HS6ST3: variants seen among roughly 807,000 people sequenced by gnomAD.
The protein encoded by HS6ST3 is heparan sulfate 6-O-sulfotransferase 3.
HS6ST3 carries 12 observed loss-of-function variants against 36.7 expected under a neutral mutation model. The observed-to-expected ratio is 0.33, with a 90% confidence interval of 0.21 to 0.53. HS6ST3 has a LOEUF of 0.53. HS6ST3 is among the 20% of genes least tolerant of loss of function. The probability of loss-of-function intolerance (pLI) is 0.95; values close to 1 mark genes in which losing one functional copy is unlikely to be tolerated. For missense variants in HS6ST3, 584 were observed against 640.9 expected, an observed-to-expected ratio of 0.91 and a Z score of 0.96; for synonymous variants, 240 against 257.5, an observed-to-expected ratio of 0.93 and a Z score of 0.65.
At chr13:96,584,923 A>G (rs2056355150) in intron 1 of HS6ST3, among the ~76,000 whole-genome samples, 1 of 152,140 alleles carries the variant, frequency 6.6e-6, no homozygotes, top group Admixed American at 6.5e-5. Context: ...CTGGGCACAG[A>G]CCATATGGAG....
intron 1 of HS6ST3, among the ~76,000 whole-genome samples, chr13:96,254,385 G>A (rs572607645): frequency 2.4e-5 from 3 of 122,716 alleles, no homozygotes; most frequent in Non-Finnish European, 4.8e-5. Flanking sequence ...CTGCACTCCA[G>A]CCTGGGCGAT....
chr13:96,279,737 T>C (rs1280720195), intron 1 of HS6ST3, among the ~76,000 whole-genome samples: 1 of 152,188 alleles, frequency 6.6e-6, no homozygotes, highest in Non-Finnish European at 1.5e-5. Flanking sequence ...CTTTTGCACA[T>C]CACATAAAAG....
At chr13:96,262,836 T>C (rs904252557) in intron 1 of HS6ST3, among the ~76,000 whole-genome samples, 1 of 152,140 alleles carries the variant, frequency 6.6e-6, no homozygotes, top group African/African-American at 2.4e-5. Context: ...GTTTTTTTTA[T>C]TTTGTGTGAC....
At chr13:96,504,231 A>G (rs2056016979) in intron 1 of HS6ST3, among the ~76,000 whole-genome samples, 2 of 152,166 alleles carry the variant, frequency 1.3e-5, no homozygotes, top group African/African-American at 4.8e-5. Flanking sequence ...AGCTTGCCCA[A>G]AGGTCACATA....
At chr13:96,825,633 A>G (rs752183000) in intron 1 of HS6ST3, among the ~76,000 whole-genome samples, 4 of 152,162 alleles carry the variant, frequency 2.6e-5, no homozygotes, top group East Asian at 3.9e-4. Flanking sequence ...ATACTTTAAT[A>G]CTGTTGCTGA....
intron 1 of HS6ST3, among the ~76,000 whole-genome samples, chr13:96,184,685 T>C (rs2054257352): frequency 6.6e-6 from 1 of 152,160 alleles, no homozygotes; most frequent in Non-Finnish European, 1.5e-5. Context: ...GTAAAAGTCC[T>C]GTCTCAAATA....
chr13:96,556,682 T>C (rs2056242178), intron 1 of HS6ST3, among the ~76,000 whole-genome samples: 1 of 152,160 alleles, frequency 6.6e-6, no homozygotes, highest in Non-Finnish European at 1.5e-5. Context: ...TTAATACTGG[T>C]TGATGAGGCT....
chr13:96,655,675 G>A (rs1015115740), intron 1 of HS6ST3, among the ~76,000 whole-genome samples: 2 of 151,950 alleles, frequency 1.3e-5, no homozygotes, highest in African/African-American at 2.4e-5. Context: ...GAGGAAAAAC[G>A]TACTGTGGAT....
At chr13:96,540,933 G>A (rs369395630) in intron 1 of HS6ST3, among the ~76,000 whole-genome samples, 7 of 152,232 alleles carry the variant, frequency 4.6e-5, no homozygotes, top group Admixed American at 2.6e-4. Flanking sequence ...CCATCTATGC[G>A]CAGATATATG....
At chr13:96,707,961 TAGTG>T (rs2138458398) in intron 1 of HS6ST3, among the ~76,000 whole-genome samples, 1 of 152,286 alleles carries the variant, frequency 6.6e-6, no homozygotes, top group African/African-American at 2.4e-5. Context: ...GAACTGGAGT[TAGTG>T]AGGTTTGCTG....
intron 1 of HS6ST3, among the ~76,000 whole-genome samples, chr13:96,121,844 C>G (rs1413751467): frequency 6.6e-6 from 1 of 152,084 alleles, no homozygotes; most frequent in African/African-American, 2.4e-5. Context: ...ACATGTTACT[C>G]CATGTTGGTT....
chr13:96,821,039 A>T (rs893911358), intron 1 of HS6ST3, among the ~76,000 whole-genome samples: 6 of 152,260 alleles, frequency 3.9e-5, no homozygotes, highest in Admixed American at 2.6e-4. Flanking sequence ...AGGTGTGTTA[A>T]AAATGAATGC....
intron 1 of HS6ST3, among the ~76,000 whole-genome samples, chr13:96,190,314 C>T (rs2054283063): frequency 6.6e-6 from 1 of 152,184 alleles, no homozygotes; most frequent in African/African-American, 2.4e-5. Context: ...GCTTCAGTTA[C>T]CATCTGTATG....
intron 1 of HS6ST3, among the ~76,000 whole-genome samples, chr13:96,343,058 G>A (rs1041147111): frequency 2.0e-5 from 3 of 152,164 alleles, no homozygotes; most frequent in Admixed American, 6.5e-5. Context: ...CCTTTCATCG[G>A]AAGGGAATTG....
chr13:96,708,638 T>TAATTCACTCCAGGGAAATGTGA (rs1875486742), intron 1 of HS6ST3, among the ~76,000 whole-genome samples: 1 of 152,170 alleles, frequency 6.6e-6, no homozygotes, highest in African/African-American at 2.4e-5. Context: ...GCCTGAAACC[T>TAATTCACTCCAGGGAAATGTGA]AATTCACTCC....
intron 1 of HS6ST3, among the ~76,000 whole-genome samples, chr13:96,113,984 G>A (rs2053882350): frequency 6.6e-6 from 1 of 152,102 alleles, no homozygotes. Context: ...ATTAGGATAT[G>A]TTTGAGGCAC....
intron 1 of HS6ST3, among the ~76,000 whole-genome samples, chr13:96,405,062 C>A (rs546332809): frequency 3.0e-4 from 46 of 152,322 alleles, no homozygotes; most frequent in South Asian, 6.2e-4. Context: ...GATTGTGAGG[C>A]CTTCCCAGCC....
At chr13:96,282,410 T>C (rs1415534394) in intron 1 of HS6ST3, among the ~76,000 whole-genome samples, 1 of 152,086 alleles carries the variant, frequency 6.6e-6, no homozygotes, top group Non-Finnish European at 1.5e-5. Flanking sequence ...GCAGACAAGA[T>C]GTTTCAGGAG....
chr13:96,579,258 T>C (rs1391183832), intron 1 of HS6ST3, among the ~76,000 whole-genome samples: 1 of 152,176 alleles, frequency 6.6e-6, no homozygotes, highest in Non-Finnish European at 1.5e-5. Flanking sequence ...GATGTTATTT[T>C]CTATAGGGAT....
Sources: allele counts gnomAD v4.1 joint callset (sites outside exome capture counted in the v4.1 genomes callset), GRCh38; gene constraint gnomAD v4.1.1; transcripts MANE v1.5; gene names NCBI Gene and HGNC (gene_info 2026-07-23, HGNC 2026-07-21).